Variants in ASIC2 observed in about 807,000 individuals in gnomAD.
ASIC2 encodes the protein acid sensing ion channel subunit 2, also known as acid-sensing ion channel 2.
ASIC2 carries 25 observed loss-of-function variants against 57.3 expected under a neutral mutation model. The observed-to-expected ratio is 0.44, with a 90% CI of 0.32 to 0.61. The LOEUF is 0.61. Ranked by LOEUF, ASIC2 falls within the 20% of genes least tolerant of loss-of-function variation. The pLI is 0.06. For synonymous variants in ASIC2, 319 were observed against 307.5 expected, an observed-to-expected ratio of 1.04 and a Z score of -0.39; for missense variants, 641 against 738.1, an observed-to-expected ratio of 0.87 and a Z score of 1.52.
chr17:33,855,967 C>G (rs1225814518), intron 1 of ASIC2, among the ~76,000 whole-genome samples: 1 of 151,950 alleles, frequency 6.6e-6, no homozygotes, highest in South Asian at 2.1e-4. Flanking sequence ...GTCCTTACTC[C>G]TGAGAAGCTC....
At chr17:33,854,741 C>T (rs561176088) in intron 1 of ASIC2, among the ~76,000 whole-genome samples, 23 of 152,100 alleles carry the variant, frequency 1.5e-4, no homozygotes, top group Non-Finnish European at 3.1e-4. Flanking sequence ...GCTGAGTCAG[C>T]TGGGGCTGAG....
intron 1 of ASIC2, among the ~76,000 whole-genome samples, chr17:33,716,193 G>C (rs1357184210): frequency 2.0e-5 from 3 of 152,246 alleles, no homozygotes; most frequent in Admixed American, 6.5e-5. Context: ...ACACCCCACT[G>C]TTTTCAATGT....
At chr17:33,494,255 T>C (rs1252379480) in intron 1 of ASIC2, among the ~76,000 whole-genome samples, 1 of 152,232 alleles carries the variant, frequency 6.6e-6, no homozygotes, top group East Asian at 1.9e-4. Context: ...CTTGGCCCTG[T>C]CTTTTCTCAT....
chr17:33,530,576 G>T (rs754987123), intron 1 of ASIC2, among the ~76,000 whole-genome samples: 4 of 152,224 alleles, frequency 2.6e-5, no homozygotes, highest in Non-Finnish European at 5.9e-5. Flanking sequence ...CTTTGCTCAG[G>T]TCAGGGGCTC....
intron 1 of ASIC2, chr17:34,005,520 T>A (rs1006415059): frequency 2.0e-5 from 3 of 146,418 alleles, no homozygotes; most frequent in Non-Finnish European, 4.4e-5. Context: ...CCACTTCTAG[T>A]TCCCCCCGCC....
chr17:33,355,464 G>C (rs749063979), intron 1 of ASIC2, among the ~76,000 whole-genome samples: 20 of 151,914 alleles, frequency 1.3e-4, no homozygotes, highest in Non-Finnish European at 2.5e-4. Flanking sequence ...CCATTGCATA[G>C]TGTCCTGAGA....
chr17:33,579,024 TC>T (rs1490230044), intron 1 of ASIC2, among the ~76,000 whole-genome samples: 2 of 152,052 alleles, frequency 1.3e-5, no homozygotes, highest in Non-Finnish European at 2.9e-5. Context: ...GCTGTCTCAC[TC>T]CTGTAATCCC....
chr17:33,869,533 C>T (rs1158129013), intron 1 of ASIC2, among the ~76,000 whole-genome samples: 1 of 152,112 alleles, frequency 6.6e-6, no homozygotes, highest in African/African-American at 2.4e-5. Context: ...TGTGGTATAC[C>T]TACATGGTGG....
intron 1 of ASIC2, among the ~76,000 whole-genome samples, chr17:33,311,428 CTGTGTGTGTGTGTG>C (rs34323667): frequency 6.8e-6 from 1 of 148,048 alleles, no homozygotes; most frequent in Non-Finnish European, 1.5e-5. Context: ...GTCTGTCTAT[CTGTGTGTGTGTGTG>C]TGTGTGTGTG....
Position 33,302,264 on chromosome 17 carries a change from C to T in ASIC2, c.556-190197G>A, listed in dbSNP as rs140278384. On this transcript the variant is annotated intron_variant, in intron 1 of 9. Transcript: ENST00000359872. ...CAAAACTCTCGTTAAAATAGTTAAG[C>T]GTAATAACCTTCTCCAGCAGTAACC... 3.7e-4 allele frequency among the ~76,000 whole-genome samples: 56 copies of T among 152,238 alleles called. 2 individuals are homozygous for T. In the East Asian group the frequency reaches 9.1e-3, roughly 25 times the overall value.
chr17:33,691,872 C>T (rs1296606545), intron 1 of ASIC2, among the ~76,000 whole-genome samples: 3 of 151,986 alleles, frequency 2.0e-5, no homozygotes, highest in African/African-American at 7.3e-5. Context: ...GGTAACTTAA[C>T]AACAGGGATA....
chr17:34,055,880 A>G lies in ASIC2; in HGVS notation c.555+100098T>C, dbSNP rs1475673514. The stretch of plus-strand genomic sequence containing the variant: ...ACATATGTTTTTGTTATTCTTGGCT[A>G]AATACCTAGGAGTAGAATTAATTTA... On this transcript the variant is annotated intron_variant, in intron 1 of 9. Coordinates refer to the ASIC2 transcript ENST00000359872. 2.0e-5 allele frequency among the ~76,000 whole-genome samples: 3 copies of G among 152,208 alleles called. No homozygotes were observed. In the South Asian group the frequency reaches 6.2e-4, roughly 31 times the overall value.
intron 1 of ASIC2, among the ~76,000 whole-genome samples, chr17:33,739,838 GAGAA>G (rs1388955740): frequency 2.8e-5 from 3 of 106,022 alleles, no homozygotes; most frequent in Non-Finnish European, 6.1e-5. Context: ...GAAAAAGAAA[GAGAA>G]AGAAAAAAGA....
rs1280666089 is a variant in ASIC2 at position 33,409,995 on chromosome 17, G to A, written c.556-297928C>T. Among the ~76,000 whole-genome samples, 5 of 152,294 alleles carry A rather than the reference G, an allele frequency of 3.3e-5. No individual in the cohort carries two copies. The East Asian group carries it at 7.7e-4, about 23-fold the overall frequency. On this transcript the variant is annotated intron_variant, in intron 1 of 9. Coordinates refer to the ASIC2 transcript ENST00000359872. ...TCATTCTGGACCCCTCAGCAGGACC[G>A]TGTCTGTTCCATTCAGTTACAGTGG... is the stretch of plus-strand genomic sequence containing the variant.
At chr17:33,760,687 T>C (rs980792866) in intron 1 of ASIC2, among the ~76,000 whole-genome samples, 4 of 152,166 alleles carry the variant, frequency 2.6e-5, no homozygotes, top group Non-Finnish European at 4.4e-5. Context: ...AACCTTACTT[T>C]ACATATACAT....
intron 1 of ASIC2, among the ~76,000 whole-genome samples, chr17:33,505,659 A>C (rs750859087): frequency 9.8e-5 from 15 of 152,310 alleles, no homozygotes; most frequent in South Asian, 4.1e-4. Flanking sequence ...ATTCAACTTA[A>C]GCTTAATCTA....
intron 1 of ASIC2, among the ~76,000 whole-genome samples, chr17:33,440,957 C>G (rs1253837766): frequency 6.6e-6 from 1 of 151,824 alleles, no homozygotes; most frequent in African/African-American, 2.4e-5. Flanking sequence ...GTTTTCCTTT[C>G]TTTCTTTTTC....
chr17:33,836,060 T>TTA (rs199589904), intron 1 of ASIC2, among the ~76,000 whole-genome samples: 10,733 of 145,038 alleles, frequency 0.074, 524 homozygotes, highest in South Asian at 0.11. Context: ...ATATCATATA[T>TTA]TATATATATA....
At chr17:33,289,644 T>C (rs770414135) in intron 1 of ASIC2, among the ~76,000 whole-genome samples, 13 of 152,212 alleles carry the variant, frequency 8.5e-5, no homozygotes, top group Non-Finnish European at 1.9e-4. Flanking sequence ...GCTCTGAGCA[T>C]TGGACAGCTT....
Sources: allele counts gnomAD v4.1 joint callset (sites outside exome capture counted in the v4.1 genomes callset), GRCh38; gene constraint gnomAD v4.1.1; transcripts MANE v1.5; gene names NCBI Gene and HGNC (gene_info 2026-07-23, HGNC 2026-07-21).